RARB: variants seen among roughly 807,000 people sequenced by gnomAD.
RARB encodes HBV-activated protein.
In RARB, 17 loss-of-function variants were observed where a neutral mutation model predicts 51.9. The ratio of observed to expected loss-of-function variants is 0.33; its 90% CI spans 0.22 to 0.49. RARB has a LOEUF of 0.49. Ranked by LOEUF, RARB falls within the 20% of genes least tolerant of loss-of-function variation. The pLI, the probability that RARB is intolerant of heterozygous loss-of-function variation, is 0.99. For missense variants in RARB, 369 were observed against 550.8 expected (o/e 0.67, Z 3.30); for synonymous variants, 215 against 195.4 (o/e 1.10, Z -0.84).
chr3:25,309,690 G>A (rs1704243662), intron 5 of RARB, among the ~76,000 whole-genome samples: 1 of 143,524 alleles, frequency 7.0e-6, no homozygotes, highest in East Asian at 2.2e-4. Flanking sequence ...TAGAGATAGG[G>A]TTTCATATGT....
chr3:25,535,263 T>C (rs1382467325), intron 3 of RARB, among the ~76,000 whole-genome samples: 1 of 152,112 alleles, frequency 6.6e-6, no homozygotes, highest in Non-Finnish European at 1.5e-5. Context: ...ATCTTTTGGT[T>C]GGGGTCAGTG....
At chr3:24,876,332 T>A (rs1476402544) in intron 2 of RARB, among the ~76,000 whole-genome samples, 2 of 152,166 alleles carry the variant, frequency 1.3e-5, no homozygotes, top group Non-Finnish European at 2.9e-5. Context: ...AAGTATTTGC[T>A]TAATGGTAAT....
chr3:25,055,143 A>G (rs781342885), intron 2 of RARB, among the ~76,000 whole-genome samples: 3 of 152,154 alleles, frequency 2.0e-5, no homozygotes, highest in African/African-American at 4.8e-5. Context: ...TTAAAAGCCA[A>G]AGTTTCAGAA....
rs1457174762 is a variant in RARB at position 25,456,680 on chromosome 3, T to TAGAGAG, written c.158-4512_158-4511insGAGAGA. On this transcript the variant is annotated intron_variant, in intron 1 of 7. Transcript: ENST00000330688. ...ATTTGAATATATATATATATATATATATAGAGAGAGAGAGAGAGAGAGAGA... is the reference window on the plus strand; with the variant it reads ...ATTTGAATATATATATATATATATATAGAGAGATAGAGAGAGAGAGAGAGAGAGAGA... Among the ~76,000 whole-genome samples, 297 of 99,948 alleles carry TAGAGAG rather than the reference T, an allele frequency of 3.0e-3. 1 individual carries two copies. Among genetic ancestry groups the TAGAGAG allele is most frequent in the Non-Finnish European group, 4.0e-3 (205 of 50,990 alleles). 65.6% of individuals were successfully genotyped at this position (99,948 alleles called of 152,430 possible). A position where few individuals can be genotyped will look rare whatever the true frequency, so the allele number is the denominator to read the frequency against.
intron 5 of RARB, among the ~76,000 whole-genome samples, chr3:25,338,915 C>A (rs1311718251): frequency 8.5e-5 from 13 of 152,088 alleles, no homozygotes; most frequent in Non-Finnish European, 1.8e-4. Context: ...AGCAGGGGGC[C>A]TTCAAAATCG....
intron 2 of RARB, among the ~76,000 whole-genome samples, chr3:24,946,374 A>C (rs900623084): frequency 2.0e-5 from 3 of 151,100 alleles, no homozygotes; most frequent in African/African-American, 7.3e-5. Context: ...GTTCAGAGTG[A>C]TAATTTTTTA....
chr3:25,247,687 A>G (rs905598667), intron 5 of RARB, among the ~76,000 whole-genome samples: 18 of 152,182 alleles, frequency 1.2e-4, no homozygotes, highest in African/African-American at 4.3e-4. Flanking sequence ...TGAACCAGGT[A>G]CCTCAGTTGG....
intron 5 of RARB, among the ~76,000 whole-genome samples, chr3:25,410,366 T>G (rs1354965749): frequency 6.6e-6 from 1 of 152,232 alleles, no homozygotes; most frequent in Non-Finnish European, 1.5e-5. Flanking sequence ...GAATAAATGT[T>G]AGGAACATAT....
intron 2 of RARB, among the ~76,000 whole-genome samples, chr3:24,949,138 C>A (rs867480159): frequency 6.6e-6 from 1 of 152,144 alleles, no homozygotes; most frequent in Non-Finnish European, 1.5e-5. Flanking sequence ...ACTTGGGAAA[C>A]GTCACTGCAC....
intron 3 of RARB, among the ~76,000 whole-genome samples, chr3:25,099,876 G>A (rs1421766145): frequency 6.6e-6 from 1 of 152,128 alleles, no homozygotes. Context: ...GGGACACGCA[G>A]GAAAGCCATG....
intron 2 of RARB, among the ~76,000 whole-genome samples, chr3:24,896,494 C>T (rs186520943): frequency 0.023 from 3,561 of 152,058 alleles, 80 homozygotes; most frequent in Middle Eastern, 0.068. Flanking sequence ...CTCCTGACCT[C>T]CTGATCCGCC....
At chr3:25,393,662 A>T (rs1471762016) in intron 5 of RARB, among the ~76,000 whole-genome samples, 1 of 152,004 alleles carries the variant, frequency 6.6e-6, no homozygotes, top group African/African-American at 2.4e-5. Context: ...TAGGTTTTCT[A>T]GTTAATGCAC....
At chr3:25,295,463 G>C (rs1463071190) in intron 5 of RARB, among the ~76,000 whole-genome samples, 1 of 152,164 alleles carries the variant, frequency 6.6e-6, no homozygotes, top group African/African-American at 2.4e-5. Context: ...GGACTTCCCA[G>C]GCTCCACGAC....
At chr3:25,037,469 G>T (rs573208133) in intron 2 of RARB, among the ~76,000 whole-genome samples, 1 of 151,998 alleles carries the variant, frequency 6.6e-6, no homozygotes, top group South Asian at 2.1e-4. Context: ...TAAAACCTCA[G>T]ACACCAGGAA....
intron 3 of RARB, 95 bp downstream of exon 3, chr3:25,501,418 C>T (rs564480485): frequency 3.1e-5 from 45 of 1,460,802 alleles, no homozygotes; most frequent in African/African-American, 1.3e-4. Flanking sequence ...ACGACACTAA[C>T]GAAATCTTGC....
At chr3:25,007,184 C>G (rs79285081) in intron 2 of RARB, among the ~76,000 whole-genome samples, 9 of 152,118 alleles carry the variant, frequency 5.9e-5, no homozygotes, top group African/African-American at 2.2e-4. Context: ...GGCCAGGGAG[C>G]CTGCATCTTC....
intron 2 of RARB, among the ~76,000 whole-genome samples, chr3:24,964,138 C>A (rs1157885448): frequency 6.6e-6 from 1 of 151,854 alleles, no homozygotes; most frequent in Non-Finnish European, 1.5e-5. Context: ...TTCCACCCCC[C>A]CACCCCACAT....
At chr3:25,471,306 T>C (rs1009348354) in intron 2 of RARB, among the ~76,000 whole-genome samples, 1 of 152,212 alleles carries the variant, frequency 6.6e-6, no homozygotes, top group Admixed American at 6.5e-5. Flanking sequence ...TGGAATGATA[T>C]ACTGACGTGG....
At chr3:24,844,648 C>A (rs1040239035) in intron 1 of RARB, among the ~76,000 whole-genome samples, 2 of 152,176 alleles carry the variant, frequency 1.3e-5, no homozygotes, top group African/African-American at 2.4e-5. Context: ...ACTGCATGAC[C>A]TTGGGCAAAT....
Sources: gnomAD v4.1 joint callset for allele counts (sites outside exome capture counted in the v4.1 genomes callset) on GRCh38, gnomAD v4.1.1 for gene constraint, MANE v1.5 for transcripts, NCBI Gene and HGNC (gene_info 2026-07-23, HGNC 2026-07-21) for gene names.